Variants in SLC5A3 observed in about 807,000 individuals in gnomAD.
SLC5A3 encodes the protein solute carrier family 5 member 3.
A neutral mutation model predicts 43.2 loss-of-function variants in SLC5A3; 10 were observed. The observed-to-expected ratio is 0.23, with a 90% CI of 0.14 to 0.39. SLC5A3 has a LOEUF of 0.39. Ranked by LOEUF, SLC5A3 falls within the 10% of genes least tolerant of loss-of-function variation. The pLI is 1.00. For missense variants in SLC5A3, 608 were observed against 893.4 expected (o/e 0.68, Z 4.07); for synonymous variants, 349 against 322.0 (o/e 1.08, Z -0.90).
rs1979295742 is a variant in SLC5A3 at position 34,102,607 on chromosome 21, CTG to C, written c.*5254_*5255del. ...TGAGGCTATTGACTTAAACCAATAA[CTG>C]TACTTTATGTAATGACTCTTAAATT... On this transcript the variant is annotated 3_prime_UTR_variant, in exon 2 of 2. Coordinates refer to ENST00000381151, the MANE Select transcript of SLC5A3 (RefSeq NM_006933.7). The C allele has an allele frequency of 1.0e-6, 1 of 1,000,172 alleles. No homozygotes were observed. Among genetic ancestry groups the C allele is most frequent in the Non-Finnish European group, 1.2e-6 (1 of 829,926 alleles). The allele number at this position is 1,000,172 out of a possible 1,614,324, so 62.0% of individuals were successfully genotyped here.
intron 1 of SLC5A3, among the ~76,000 whole-genome samples, chr21:34,090,253 G>T (rs1231523372): frequency 6.6e-6 from 1 of 152,174 alleles, no homozygotes; most frequent in African/African-American, 2.4e-5. Context: ...CAGTATCCTT[G>T]CTCCACATTT....
At chr21:34,091,507 C>A (rs1978691558) in intron 1 of SLC5A3, among the ~76,000 whole-genome samples, 1 of 152,150 alleles carries the variant, frequency 6.6e-6, no homozygotes, top group African/African-American at 2.4e-5. Flanking sequence ...TTTTGGTTAA[C>A]ATGGTTATAT....
In SLC5A3 at chr21:34,097,204, T is replaced by A; in HGVS notation, c.2006T>A (p.Leu669His). ...DWFCGFKSKS[L>H]SKRSLRDLME... Reference sequence around the variant, plus strand: ...TTTTGTGGCTTTAAAAGTAAGAGCCTCAGCAAGAGGAGTCTCAGAGACCTG... The same window carrying A: ...TTTTGTGGCTTTAAAAGTAAGAGCCACAGCAAGAGGAGTCTCAGAGACCTG... Residue 669 changes from leucine (L) to histidine (H), a missense_variant, in exon 2 of 2, where the codon CTC becomes CAC. Leu to His is a moderately conservative substitution (Grantham distance 99). Around this residue, in one of 2 missense-constraint regions of SLC5A3, gnomAD observed 210 missense variants for 224.8 expected, o/e 0.93. Coordinates refer to ENST00000381151, the MANE Select transcript of SLC5A3 (RefSeq NM_006933.7). 6.2e-7 allele frequency: 1 copy of A among 1,614,068 alleles called. No individual in the cohort carries two copies. The highest frequency in any genetic ancestry group is 1.3e-5 in the African/African-American group (1 of 75,022).
intron 1 of SLC5A3, among the ~76,000 whole-genome samples, chr21:34,082,819 C>T (rs570190337): frequency 3.6e-4 from 55 of 152,180 alleles, no homozygotes; most frequent in African/African-American, 1.3e-3. Context: ...TTCTTACGTA[C>T]GTTTTGGCCC....
chr21:34,078,819 A>G (rs1032225341), intron 1 of SLC5A3, among the ~76,000 whole-genome samples: 1 of 152,212 alleles, frequency 6.6e-6, no homozygotes, highest in African/African-American at 2.4e-5. Context: ...AAGTTGTTGC[A>G]ATTTGATTAT....
Position 34,098,220 on chromosome 21 carries a change from A to T in SLC5A3, c.*865A>T. ...TGTTTGATTAACTTATGCTAATCAG[A>T]TGATTACTCATATATTCTGCTAATT... On this transcript the variant is annotated 3_prime_UTR_variant, in exon 2 of 2. Coordinates refer to ENST00000381151, the MANE Select transcript of SLC5A3 (RefSeq NM_006933.7). 1.0e-6 allele frequency: 1 copy of T among 999,176 alleles called. No homozygotes were observed. The allele number at this position is 999,176 out of a possible 1,614,324, so 61.9% of individuals were successfully genotyped here.
In SLC5A3 at chr21:34,099,868, G is replaced by C. The variant is rs1855661678; in HGVS notation, c.*2513G>C. The C allele has an allele frequency of 2.5e-6, 1 of 405,972 alleles. No individual in the cohort carries two copies. 25.1% of individuals were successfully genotyped at this position (405,972 alleles called of 1,614,324 possible). The stretch of plus-strand genomic sequence containing the variant: ...GTCCCTGAAGCTTGTCTTTCTTATT[G>C]CTTCCCAGTAATAGATAATGTGCTC... On this transcript the variant is annotated 3_prime_UTR_variant, in exon 2 of 2. Coordinates refer to ENST00000381151, the MANE Select transcript of SLC5A3 (RefSeq NM_006933.7).
Position 34,101,395 on chromosome 21 carries a change from A to G in SLC5A3, c.*4040A>G, listed in dbSNP as rs1028210076. The G allele has an allele frequency of 3.0e-6, 3 of 1,000,202 alleles. No homozygotes were observed. The African/African-American group carries it at 5.2e-5, about 17-fold the overall frequency. The allele number at this position is 1,000,202 out of a possible 1,614,324, so 62.0% of individuals were successfully genotyped here. A position where few individuals can be genotyped will look rare whatever the true frequency, so the allele number is the denominator to read the frequency against. On this transcript the variant is annotated 3_prime_UTR_variant, in exon 2 of 2. Transcript: ENST00000381151. ...GTTACCACAGTAGAGATAATTTAGT[A>G]GAAAAATGCTTTGAGGCTTCAGTAT... is the stretch of plus-strand genomic sequence containing the variant.
rs571440239 is a variant in SLC5A3 at position 34,073,745 on chromosome 21, G to T, written c.-337G>T. 6.2e-4 allele frequency: 952 copies of T among 1,524,648 alleles called. 13 individuals carry two copies. The South Asian group carries it at 0.01, about 16-fold the overall frequency. The allele number at this position is 1,524,648 out of a possible 1,614,324, so 94.4% of individuals were successfully genotyped here. A position where few individuals can be genotyped will look rare whatever the true frequency, so the allele number is the denominator to read the frequency against. ...CTTTAATCCTGAAAGCCATGCAGCG[G>T]GTAAGTGACCTTCCCTCAGAGCCGG... is the stretch of plus-strand genomic sequence containing the variant. On this transcript the variant is annotated splice_region_variant and 5_prime_UTR_variant, in exon 1 of 2. Transcript: ENST00000381151.
intron 1 of SLC5A3, among the ~76,000 whole-genome samples, chr21:34,081,743 A>G (rs1423001409): frequency 6.6e-6 from 1 of 152,174 alleles, no homozygotes; most frequent in Non-Finnish European, 1.5e-5. Context: ...TAGTTCTGTC[A>G]TTAAAGTAGC....
chr21:34,077,104 T>A (rs1450333388), intron 1 of SLC5A3, among the ~76,000 whole-genome samples: 7 of 152,152 alleles, frequency 4.6e-5, no homozygotes, highest in Non-Finnish European at 1.0e-4. Flanking sequence ...GAAGGGGTCA[T>A]GTGTTTGGTG....
rs541383110 is a variant in SLC5A3, at chr21:34,073,619, G to GT, written c.-462dup. 1.2e-3 allele frequency: 1,513 copies of GT among 1,251,248 alleles called. 22 individuals are homozygous for GT. In the African/African-American group the frequency reaches 0.022, roughly 18 times the overall value. 77.5% of individuals were successfully genotyped at this position (1,251,248 alleles called of 1,614,324 possible). A position where few individuals can be genotyped will look rare whatever the true frequency, so the allele number is the denominator to read the frequency against. On this transcript the variant is annotated 5_prime_UTR_variant, in exon 1 of 2. Transcript: ENST00000381151. The stretch of plus-strand genomic sequence containing the variant: ...AGCCGTCCGGCGCAGCAGTTTCTAG[G>GT]TCCCCACTGTCCCCGCCGTCCCGCC...
chr21:34,093,059 A>T (rs1389102595), intron 1 of SLC5A3, among the ~76,000 whole-genome samples: 4 of 152,218 alleles, frequency 2.6e-5, no homozygotes, highest in Non-Finnish European at 4.4e-5. Flanking sequence ...ACCTTTTTAA[A>T]TAATGTTTAC....
chr21:34,100,044 A>C lies in SLC5A3; in HGVS notation c.*2689A>C. ...CTTTACACTGACTAAATGGGTCCTA[A>C]ATGATGACATTGGTCTTTAGACATT... is the stretch of plus-strand genomic sequence containing the variant. On this transcript the variant is annotated 3_prime_UTR_variant, in exon 2 of 2. Transcript: ENST00000381151. 1 of 984,792 alleles carries C rather than the reference A, an allele frequency of 1.0e-6. No homozygotes were observed. The highest frequency in any genetic ancestry group is 1.8e-5 in the African/African-American group (1 of 57,066). 61.0% of individuals were successfully genotyped at this position (984,792 alleles called of 1,614,324 possible). A position where few individuals can be genotyped will look rare whatever the true frequency, so the allele number is the denominator to read the frequency against.
chr21:34,079,315 T>C (rs1429979364), intron 1 of SLC5A3, among the ~76,000 whole-genome samples: 1 of 152,212 alleles, frequency 6.6e-6, no homozygotes. Context: ...TCTAGTCCTT[T>C]ACAGAAGAAA....
At position 34,096,950 on chromosome 21, in the gene SLC5A3, C is replaced by T. The variant is rs1420144473; in HGVS notation, c.1752C>T (p.His584=). 1 of 1,613,978 alleles carries T rather than the reference C, an allele frequency of 6.2e-7. No homozygotes were observed. Among genetic ancestry groups the T allele is most frequent in the African/African-American group, 1.3e-5 (1 of 74,900 alleles). Residue 584 remains histidine (H), a synonymous_variant, in exon 2 of 2, where the codon CAC becomes CAT. Transcript: ENST00000381151. This position sits in a 1 kb window ranked among gnomAD's most constrained non-coding sequence, Gnocchi z 5.9. ...RCSENNETIN[H]IIPNGKSEDS... is the part of the protein sequence containing the mutation. ...GTGAGAATAATGAGACCATCAACCACATCATTCCCAACGGGAAATCTGAAG... is the reference window on the plus strand; with the variant it reads ...GTGAGAATAATGAGACCATCAACCATATCATTCCCAACGGGAAATCTGAAG...
Position 34,098,072 on chromosome 21 carries a change from C to T in SLC5A3, c.*717C>T, listed in dbSNP as rs1360640516. ...CAAGTCTGCCTGTAAAGTTACATGT[C>T]ATGATTGTGTTGTTAAATGATTATG... is the stretch of plus-strand genomic sequence containing the variant. On this transcript the variant is annotated 3_prime_UTR_variant, in exon 2 of 2. Coordinates refer to ENST00000381151, the MANE Select transcript of SLC5A3 (RefSeq NM_006933.7). The T allele has an allele frequency of 1.0e-6, 1 of 999,044 alleles. No homozygotes were observed. The highest frequency in any genetic ancestry group is 1.2e-6 in the Non-Finnish European group (1 of 829,398). The allele number at this position is 999,044 out of a possible 1,614,324, so 61.9% of individuals were successfully genotyped here. A position where few individuals can be genotyped will look rare whatever the true frequency, so the allele number is the denominator to read the frequency against.
At position 34,102,677 on chromosome 21, in the gene SLC5A3, AG is replaced by A; in HGVS notation, c.*5323del. On this transcript the variant is annotated 3_prime_UTR_variant, in exon 2 of 2. Transcript: ENST00000381151. Reference sequence around the variant, plus strand: ...AGCTTGCTTGAAGAGAAAGGATGCTAGAATAAAGTAAGCAGCTGAAGAGCGA... The same window carrying A: ...AGCTTGCTTGAAGAGAAAGGATGCTAAATAAAGTAAGCAGCTGAAGAGCGA... The A allele has an allele frequency of 1.0e-6, 1 of 1,000,168 alleles. No individual in the cohort carries two copies. Among genetic ancestry groups the A allele is most frequent in the Non-Finnish European group, 1.2e-6 (1 of 829,858 alleles). 62.0% of individuals were successfully genotyped at this position (1,000,168 alleles called of 1,614,324 possible). A position where few individuals can be genotyped will look rare whatever the true frequency, so the allele number is the denominator to read the frequency against.
chr21:34,105,826 T>C lies in SLC5A3; in HGVS notation c.*8471T>C, dbSNP rs73363331. ...TGCAAGCAGAAAGTAGAATTTGGTA[T>C]AAAGCAGGTTATTTCTATATTGAAA... On this transcript the variant is annotated 3_prime_UTR_variant, in exon 2 of 2. Transcript: ENST00000381151. The C allele has an allele frequency of 1.1e-3, 1,076 of 995,454 alleles. 9 individuals are homozygous for C. The African/African-American group carries it at 0.016, about 15-fold the overall frequency. 61.7% of individuals were successfully genotyped at this position (995,454 alleles called of 1,614,324 possible).
Sources: allele counts gnomAD v4.1 joint callset (sites outside exome capture counted in the v4.1 genomes callset), GRCh38; gene constraint gnomAD v4.1.1; regional missense constraint gnomAD v4.1.1; non-coding constraint Gnocchi (gnomAD v3.1); transcripts MANE v1.5; gene names NCBI Gene and HGNC (gene_info 2026-07-23, HGNC 2026-07-21).